The following AGFG1 variants were observed in gnomAD, a reference collection of about 807,000 sequenced individuals.
The protein encoded by AGFG1 is arf-GAP domain and FG repeat-containing protein 1.
In AGFG1, 10 loss-of-function variants were observed where a neutral mutation model predicts 60.6. The observed-to-expected ratio is 0.16, with a 90% CI of 0.10 to 0.28. The LOEUF (loss-of-function observed/expected upper bound fraction) is 0.28, where lower values mean the gene tolerates loss of function less well. Among genes scored for constraint, AGFG1 ranks in the 10% least tolerant of loss-of-function variants. The pLI is 1.00. For synonymous variants in AGFG1, 247 were observed against 242.9 expected, an observed-to-expected ratio of 1.02 and a Z score of -0.16; for missense variants, 537 against 676.5, an observed-to-expected ratio of 0.79 and a Z score of 2.29.
In AGFG1 at chr2:227,531,225, G is replaced by A. The variant is rs1409538982; in HGVS notation, c.814+15G>A. The A allele has an allele frequency of 1.9e-6, 3 of 1,608,432 alleles. No individual in the cohort carries two copies. The highest frequency in any genetic ancestry group is 2.2e-5 in the East Asian group (1 of 44,788). ...CCAAACTACAGGTAGAGCTTCTCCAGCATTGTGCTTAAATGTTTACTTTAC... is the reference window on the plus strand; with the variant it reads ...CCAAACTACAGGTAGAGCTTCTCCAACATTGTGCTTAAATGTTTACTTTAC... On this transcript the variant is annotated intron_variant, in intron 6 of 12. Transcript: ENST00000310078.
chr2:227,554,544 A>G lies in AGFG1; in HGVS notation c.*49A>G. 1 of 1,435,142 alleles carries G rather than the reference A, an allele frequency of 7.0e-7. No homozygotes were observed. Among genetic ancestry groups the G allele is most frequent in the Non-Finnish European group, 9.8e-7 (1 of 1,022,250 alleles). 88.9% of individuals were successfully genotyped at this position (1,435,142 alleles called of 1,614,324 possible). Reference sequence around the variant, plus strand: ...ACGAACTTTTATGTGGTCACATTACATCTCTCCACCTCTTGCACTGTTGTC... The same window carrying G: ...ACGAACTTTTATGTGGTCACATTACGTCTCTCCACCTCTTGCACTGTTGTC... On this transcript the variant is annotated 3_prime_UTR_variant, in exon 13 of 13. Coordinates refer to ENST00000310078, the MANE Select transcript of AGFG1 (RefSeq NM_004504.5).
At chr2:227,478,544 A>C (rs1690359255) in intron 1 of AGFG1, among the ~76,000 whole-genome samples, 1 of 152,134 alleles carries the variant, frequency 6.6e-6, no homozygotes, top group South Asian at 2.1e-4. Flanking sequence ...CATGTTGCCC[A>C]GGCTGATCTC....
At chr2:227,541,154 C>G (rs1260862892) in intron 10 of AGFG1, among the ~76,000 whole-genome samples, 1 of 152,108 alleles carries the variant, frequency 6.6e-6, no homozygotes, top group Non-Finnish European at 1.5e-5. Flanking sequence ...TGCCTGTTCA[C>G]TCTGATGGTG....
rs57252592 is a variant in AGFG1, at chr2:227,492,986, A to C, written c.261+1346A>C. On this transcript the variant is annotated intron_variant, in intron 2 of 12. Transcript: ENST00000310078. ...AAATTTTGGAAATTAGAATGGAATC[A>C]GAAATAAAGAATATTATTCTATCTT... 3.2e-3 allele frequency among the ~76,000 whole-genome samples: 483 copies of C among 152,304 alleles called. 1 individual carries two copies. Among genetic ancestry groups the C allele is most frequent in the African/African-American group, 0.011 (456 of 41,580 alleles).
chr2:227,553,890 G>C (rs937306663), intron 12 of AGFG1, 95 bp downstream of exon 12: 15 of 877,686 alleles, frequency 1.7e-5, no homozygotes, highest in Admixed American at 2.3e-5. Flanking sequence ...ATGGTATTTG[G>C]TGTTATATTG....
chr2:227,493,659 T>C (rs1020264035), intron 2 of AGFG1, among the ~76,000 whole-genome samples: 5 of 152,240 alleles, frequency 3.3e-5, no homozygotes, highest in Non-Finnish European at 7.3e-5. Context: ...TGCAAGTTGA[T>C]AGACCACTCA....
Position 227,559,961 on chromosome 2 carries a change from A to G in AGFG1, c.*5466A>G, listed in dbSNP as rs1243580527. On this transcript the variant is annotated 3_prime_UTR_variant, in exon 13 of 13. Transcript: ENST00000310078. Reference sequence around the variant, plus strand: ...AAATTATGCAGTATACACAAAGGGCATAAAGTCAAAAAGTGTGTCTCCCTC... The same window carrying G: ...AAATTATGCAGTATACACAAAGGGCGTAAAGTCAAAAAGTGTGTCTCCCTC... 3 of 152,282 alleles carry G rather than the reference A, an allele frequency of 2.0e-5. No individual in the cohort carries two copies. In the East Asian group the frequency reaches 5.8e-4, roughly 29 times the overall value. 9.4% of individuals were successfully genotyped at this position (152,282 alleles called of 1,614,324 possible).
intron 1 of AGFG1, among the ~76,000 whole-genome samples, chr2:227,473,236 A>G (rs917294783): frequency 6.6e-6 from 1 of 152,142 alleles, no homozygotes; most frequent in Admixed American, 6.5e-5. Context: ...TCCCCTGGGA[A>G]AAGTTCGAAA....
intron 10 of AGFG1, among the ~76,000 whole-genome samples, chr2:227,544,997 G>C (rs953113715): frequency 1.3e-5 from 2 of 152,152 alleles, no homozygotes; most frequent in African/African-American, 4.8e-5. Context: ...GAATTTGAAG[G>C]TTGGCTTGCC....
chr2:227,528,898 C>G (rs1017755651), intron 5 of AGFG1, among the ~76,000 whole-genome samples: 1 of 152,148 alleles, frequency 6.6e-6, no homozygotes, highest in Non-Finnish European at 1.5e-5. Context: ...ATATTTTGAT[C>G]AGATTGATAG....
intron 2 of AGFG1, among the ~76,000 whole-genome samples, chr2:227,500,091 G>C (rs79910085): frequency 5.3e-5 from 8 of 152,184 alleles, no homozygotes; most frequent in Non-Finnish European, 1.2e-4. Flanking sequence ...TATGGGGTAC[G>C]TTATGAGCTG....
intron 2 of AGFG1, among the ~76,000 whole-genome samples, chr2:227,519,048 C>G (rs1056406937): frequency 5.3e-5 from 8 of 152,280 alleles, no homozygotes; most frequent in Admixed American, 2.6e-4. Context: ...GTGCTGCACT[C>G]CTGTAGTCCC....
In AGFG1 at chr2:227,560,759, G is replaced by T. The variant is rs1246541984; in HGVS notation, c.*6264G>T. 6.6e-6 allele frequency: 1 copy of T among 152,086 alleles called. No individual in the cohort carries two copies. Among genetic ancestry groups the T allele is most frequent in the Non-Finnish European group, 1.5e-5 (1 of 67,980 alleles). The allele number at this position is 152,086 out of a possible 1,614,324, so 9.4% of individuals were successfully genotyped here. A position where few individuals can be genotyped will look rare whatever the true frequency, so the allele number is the denominator to read the frequency against. On this transcript the variant is annotated 3_prime_UTR_variant, in exon 13 of 13. Coordinates refer to ENST00000310078, the MANE Select transcript of AGFG1 (RefSeq NM_004504.5). ...GCTTCCTATGCTTTAGAAAAAATGT[G>T]AGTTATTACTCTGAAAGTTGTGATT...
chr2:227,490,865 G>C (rs191146036), intron 1 of AGFG1, among the ~76,000 whole-genome samples: 118 of 152,276 alleles, frequency 7.7e-4, no homozygotes, highest in Middle Eastern at 6.8e-3. Context: ...ATACAGAAAA[G>C]GCTTCAGGGT....
intron 1 of AGFG1, among the ~76,000 whole-genome samples, chr2:227,488,767 A>C (rs578054391): frequency 6.6e-6 from 1 of 152,344 alleles, no homozygotes; most frequent in East Asian, 1.9e-4. Flanking sequence ...GTTGTGCCCT[A>C]AGTGAGTAAT....
At chr2:227,508,849 T>A (rs535777676) in intron 2 of AGFG1, among the ~76,000 whole-genome samples, 2 of 152,302 alleles carry the variant, frequency 1.3e-5, no homozygotes, top group East Asian at 3.9e-4. Context: ...GATCTGTAGA[T>A]TAGATCCTGA....
In AGFG1 at chr2:227,537,070, G is replaced by GA. The variant is rs1692336071; in HGVS notation, c.1378+81dup. On this transcript the variant is annotated intron_variant, in intron 10 of 12. Coordinates refer to ENST00000310078, the MANE Select transcript of AGFG1 (RefSeq NM_004504.5). ...CAAAGACACCATGTGAAGAACACCAGAAAATGGGGCCTCTTTCTTAGTGAA... is the reference window on the plus strand; with the variant it reads ...CAAAGACACCATGTGAAGAACACCAGAAAAATGGGGCCTCTTTCTTAGTGAA... The GA allele has an allele frequency of 2.4e-6, 3 of 1,235,974 alleles. No individual in the cohort carries two copies. The African/African-American group carries it at 4.5e-5, about 19-fold the overall frequency. The allele number at this position is 1,235,974 out of a possible 1,614,324, so 76.6% of individuals were successfully genotyped here.
chr2:227,539,938 C>T (rs534328629), intron 10 of AGFG1, among the ~76,000 whole-genome samples: 28 of 152,128 alleles, frequency 1.8e-4, no homozygotes, highest in African/African-American at 4.8e-4. Context: ...CGGATTCAAG[C>T]GATTCTCATG....
chr2:227,514,089 T>C (rs1241851091), intron 2 of AGFG1, among the ~76,000 whole-genome samples: 1 of 152,190 alleles, frequency 6.6e-6, no homozygotes, highest in Non-Finnish European at 1.5e-5. Context: ...TGAAGGGAGA[T>C]CTACAGCTTC....
Sources: allele counts gnomAD v4.1 joint callset (sites outside exome capture counted in the v4.1 genomes callset), GRCh38; gene constraint gnomAD v4.1.1; transcripts MANE v1.5; gene names NCBI Gene and HGNC (gene_info 2026-07-23, HGNC 2026-07-21).